The following RABGAP1L variants were observed in gnomAD, a reference collection of about 807,000 sequenced individuals.
RABGAP1L encodes RAB GTPase activating protein 1 like.
A neutral mutation model predicts 137.7 loss-of-function variants in RABGAP1L; 63 were observed. The observed-to-expected ratio is 0.46, with a 90% confidence interval of 0.37 to 0.56. RABGAP1L has a LOEUF of 0.56. Among genes scored for constraint, RABGAP1L ranks in the 20% least tolerant of loss-of-function variants. RABGAP1L has a pLI of 0.00. For synonymous variants in RABGAP1L, 431 were observed against 433.7 expected, an observed-to-expected ratio of 0.99 and a Z score of 0.08; for missense variants, 1,095 against 1,244.0, an observed-to-expected ratio of 0.88 and a Z score of 1.80.
chr1:174,764,427 C>T (rs999610269), intron 18 of RABGAP1L, among the ~76,000 whole-genome samples: 10 of 152,136 alleles, frequency 6.6e-5, no homozygotes, highest in African/African-American at 2.4e-4. Flanking sequence ...CCCGTGGCAA[C>T]GTATAAGTAT....
intron 11 of RABGAP1L, among the ~76,000 whole-genome samples, chr1:174,355,477 T>C (rs12065180): frequency 2.5e-5 from 3 of 117,672 alleles, no homozygotes; most frequent in African/African-American, 1.2e-4. Flanking sequence ...GTGGGGGGAG[T>C]GGGGAGGGAT....
intron 1 of RABGAP1L, among the ~76,000 whole-genome samples, chr1:174,215,407 A>G (rs1333911963): frequency 4.0e-5 from 6 of 151,512 alleles, no homozygotes; most frequent in Non-Finnish European, 8.8e-5. Context: ...CAGTGAGCCA[A>G]TGTTGCGCCA....
intron 13 of RABGAP1L, among the ~76,000 whole-genome samples, chr1:174,589,352 A>G (rs572647315): frequency 3.9e-5 from 6 of 152,232 alleles, no homozygotes; most frequent in Non-Finnish European, 8.8e-5. Flanking sequence ...CCGGTTGTTC[A>G]TCATTTGTCA....
chr1:174,827,517 TCTC>T (rs1354329787), intron 19 of RABGAP1L, among the ~76,000 whole-genome samples: 1 of 124,730 alleles, frequency 8.0e-6, no homozygotes, highest in East Asian at 2.9e-4. Flanking sequence ...GCGCATTTCT[TCTC>T]AATTTCTCTG....
chr1:174,724,094 A>C (rs1681798137), intron 17 of RABGAP1L, among the ~76,000 whole-genome samples: 1 of 152,226 alleles, frequency 6.6e-6, no homozygotes, highest in South Asian at 2.1e-4. Flanking sequence ...TATGCATTTT[A>C]AGAGTAAATG....
chr1:174,266,434 C>T (rs1324001116), intron 7 of RABGAP1L, among the ~76,000 whole-genome samples: 5 of 152,126 alleles, frequency 3.3e-5, no homozygotes, highest in Non-Finnish European at 7.4e-5. Flanking sequence ...GGCTAGAGTT[C>T]TTTAGAACCT....
At chr1:174,442,973 G>T (rs1333260201) in intron 13 of RABGAP1L, among the ~76,000 whole-genome samples, 1 of 152,048 alleles carries the variant, frequency 6.6e-6, no homozygotes, top group African/African-American at 2.4e-5. Flanking sequence ...TGCAACATTT[G>T]TCTTTCTGTG....
rs572342059 is a variant in RABGAP1L at position 174,620,924 on chromosome 1, T to C, written c.1711-16451T>C. Among the ~76,000 whole-genome samples, 56 of 152,058 alleles carry C rather than the reference T, an allele frequency of 3.7e-4. No homozygotes were observed. In the East Asian group the frequency reaches 9.5e-3, roughly 26 times the overall value. On this transcript the variant is annotated intron_variant, in intron 13 of 25. Coordinates refer to ENST00000681986, the MANE Select transcript of RABGAP1L (RefSeq NM_001366446.1). ...AAGAAGAAAAGAGAGAAGAATCAAA[T>C]AGACGCAATAAAAAATGATAAAGGG...
intron 3 of RABGAP1L, among the ~76,000 whole-genome samples, chr1:174,227,199 C>CTTTTTTT (rs71117559): frequency 7.5e-6 from 1 of 133,816 alleles, no homozygotes; most frequent in Non-Finnish European, 1.6e-5. Flanking sequence ...TGACCATTTA[C>CTTTTTTT]TTTTTTTTTT....
At chr1:174,545,042 C>G in intron 13 of RABGAP1L, 1 of 152,756 alleles carries the variant, frequency 6.5e-6, no homozygotes, top group Non-Finnish European at 1.5e-5. Context: ...AATTAGACTA[C>G]TCAGGTGTCA....
At chr1:174,729,340 A>C (rs1209374091) in intron 17 of RABGAP1L, among the ~76,000 whole-genome samples, 1 of 152,238 alleles carries the variant, frequency 6.6e-6, no homozygotes, top group East Asian at 1.9e-4. Context: ...GAAGGATTAA[A>C]GATTTAAATG....
chr1:174,583,442 T>C (rs1217443589), intron 13 of RABGAP1L, among the ~76,000 whole-genome samples: 1 of 152,110 alleles, frequency 6.6e-6, no homozygotes, highest in African/African-American at 2.4e-5. Context: ...CCCATACATA[T>C]ATGTATGTTT....
At chr1:174,546,440 G>T (rs548270393) in intron 13 of RABGAP1L, among the ~76,000 whole-genome samples, 1 of 152,310 alleles carries the variant, frequency 6.6e-6, no homozygotes, top group East Asian at 1.9e-4. Context: ...GAGAATGGCT[G>T]TATTAAGCCA....
Position 174,241,540 on chromosome 1 carries a change from A to G in RABGAP1L, c.600A>G (p.Leu200=), listed in dbSNP as rs772554437. 4 of 1,612,914 alleles carry G rather than the reference A, an allele frequency of 2.5e-6. No homozygotes were observed. The African/African-American group carries it at 5.3e-5, about 22-fold the overall frequency. Residue 200 remains leucine, a synonymous_variant, in exon 5 of 26, where the codon TTA becomes TTG. Transcript: ENST00000681986. ...EIASFPIYKV[L]FCARGHDGTT... Reference sequence around the variant, plus strand: ...CATCTTTTCCAATCTATAAGGTGTTATTCTGTGCACGTGGACATGACGGAA... The same window carrying G: ...CATCTTTTCCAATCTATAAGGTGTTGTTCTGTGCACGTGGACATGACGGAA...
intron 13 of RABGAP1L, among the ~76,000 whole-genome samples, chr1:174,485,262 A>G (rs1205487914): frequency 6.6e-6 from 1 of 152,148 alleles, no homozygotes; most frequent in Admixed American, 6.5e-5. Flanking sequence ...GTTTTTTCAA[A>G]TGTAAGATTA....
At chr1:174,669,577 G>A (rs915547077) in intron 14 of RABGAP1L, among the ~76,000 whole-genome samples, 3 of 152,026 alleles carry the variant, frequency 2.0e-5, no homozygotes, top group Non-Finnish European at 4.4e-5. Flanking sequence ...GTCCTTGAGC[G>A]TTTTCTCTTT....
intron 14 of RABGAP1L, among the ~76,000 whole-genome samples, chr1:174,675,562 G>A (rs1265246031): frequency 6.6e-6 from 1 of 151,724 alleles, no homozygotes; most frequent in Non-Finnish European, 1.5e-5. Context: ...GGATTGACTT[G>A]GCGATGCGGG....
intron 7 of RABGAP1L, among the ~76,000 whole-genome samples, chr1:174,262,510 A>C (rs533425246): frequency 3.9e-5 from 6 of 152,318 alleles, no homozygotes; most frequent in African/African-American, 1.4e-4. Context: ...TAGTATAGAG[A>C]TGCTCTATGT....
chr1:174,359,234 C>T (rs972347863), intron 11 of RABGAP1L, among the ~76,000 whole-genome samples: 1 of 151,962 alleles, frequency 6.6e-6, no homozygotes, highest in African/African-American at 2.4e-5. Context: ...GTACTTTGGT[C>T]TCCAGTGTCT....
Sources: gnomAD v4.1 joint callset for allele counts (sites outside exome capture counted in the v4.1 genomes callset) on GRCh38, gnomAD v4.1.1 for gene constraint, MANE v1.5 for transcripts, NCBI Gene and HGNC (gene_info 2026-07-23, HGNC 2026-07-21) for gene names.